The following TMTC3 variants were observed in gnomAD, a reference collection of about 807,000 sequenced individuals.
TMTC3 encodes transmembrane O-mannosyltransferase targeting cadherins 3.
In TMTC3, 52 loss-of-function variants were observed where a neutral mutation model predicts 92.2. The ratio of observed to expected loss-of-function variants is 0.56; its 90% confidence interval spans 0.45 to 0.71. TMTC3 has a LOEUF of 0.71. TMTC3 is among the 30% of genes least tolerant of loss of function. The probability of loss-of-function intolerance (pLI) is 0.00; values close to 1 mark genes in which losing one functional copy is unlikely to be tolerated. For synonymous variants in TMTC3, 339 were observed against 363.3 expected (o/e 0.93, Z 0.76); for missense variants, 896 against 1,057.1 (o/e 0.85, Z 2.11).
intron 1 of TMTC3, among the ~76,000 whole-genome samples, chr12:88,143,225 AAAATAAGT>A (rs1305092080): frequency 1.3e-5 from 2 of 151,876 alleles, no homozygotes; most frequent in African/African-American, 4.8e-5. Context: ...TTTCCTTTCG[AAAATAAGT>A]AATGAGTTTC....
Position 88,198,017 on chromosome 12 carries a change from C to G in TMTC3, c.*2368C>G, listed in dbSNP as rs2041535325. 4.0e-6 allele frequency: 1 copy of G among 252,178 alleles called. No individual in the cohort carries two copies. Among genetic ancestry groups the G allele is most frequent in the Non-Finnish European group, 7.5e-6 (1 of 133,860 alleles). 15.6% of individuals were successfully genotyped at this position (252,178 alleles called of 1,614,324 possible). A position where few individuals can be genotyped will look rare whatever the true frequency, so the allele number is the denominator to read the frequency against. ...GTTAACTTTTAAAACTAGTAATGTA[C>G]CCAGTTAAGTTTTGATGGTTTAAAT... On this transcript the variant is annotated 3_prime_UTR_variant, in exon 14 of 14. Coordinates refer to ENST00000266712, the MANE Select transcript of TMTC3 (RefSeq NM_181783.4).
At chr12:88,192,028 C>CTTTTTTTTTTTTTTTTTTTTTT (rs112229647) in intron 12 of TMTC3, among the ~76,000 whole-genome samples, 2 of 123,016 alleles carry the variant, frequency 1.6e-5, no homozygotes, top group African/African-American at 3.0e-5. Flanking sequence ...TTTTTTTTTT[C>CTTTTTTTTTTTTTTTTTTTTTT]TTTTTTTTTT....
At chr12:88,143,410 T>C (rs1449123788) in intron 1 of TMTC3, among the ~76,000 whole-genome samples, 1 of 152,210 alleles carries the variant, frequency 6.6e-6, no homozygotes, top group Non-Finnish European at 1.5e-5. Context: ...TTGTTTATTC[T>C]TCCTTACAAT....
At chr12:88,152,279 A>C (rs1020254688) in intron 2 of TMTC3, among the ~76,000 whole-genome samples, 1 of 152,066 alleles carries the variant, frequency 6.6e-6, no homozygotes, top group Admixed American at 6.5e-5. Flanking sequence ...GGTGTATCAC[A>C]TGGTGAGAGG....
Position 88,197,992 on chromosome 12 carries a change from G to GTTAAC in TMTC3, c.*2346_*2350dup, listed in dbSNP as rs545461462. On this transcript the variant is annotated 3_prime_UTR_variant, in exon 14 of 14. Transcript: ENST00000266712. Reference sequence around the variant, plus strand: ...AGGAAAATGCTTTTATTTCTCCCATGTTAACTTTTAAAACTAGTAATGTAC... The same window carrying GTTAAC: ...AGGAAAATGCTTTTATTTCTCCCATGTTAACTTAACTTTTAAAACTAGTAATGTAC... 3.2e-3 allele frequency: 667 copies of GTTAAC among 205,900 alleles called. 1 individual carries two copies. Among genetic ancestry groups the GTTAAC allele is most frequent in the Non-Finnish European group, 5.1e-3 (530 of 103,846 alleles). The allele number at this position is 205,900 out of a possible 1,614,324, so 12.8% of individuals were successfully genotyped here.
chr12:88,163,968 T>TGATC (rs774462783), intron 6 of TMTC3, among the ~76,000 whole-genome samples: 139 of 151,724 alleles, frequency 9.2e-4, no homozygotes, highest in Admixed American at 1.3e-3. Flanking sequence ...GAGGCTGAGG[T>TGATC]GATCACTTGA....
chr12:88,164,189 CAAA>C (rs1008391943), intron 6 of TMTC3, among the ~76,000 whole-genome samples: 3 of 48,786 alleles, frequency 6.1e-5, no homozygotes, highest in Admixed American at 1.9e-4. Context: ...GACTTTGTCT[CAAA>C]AAAAAAAAAA....
Position 88,166,563 on chromosome 12 carries a change from C to A in TMTC3, c.1031C>A (p.Ser344Tyr). The A allele has an allele frequency of 6.2e-7, 1 of 1,612,892 alleles. No homozygotes were observed. The highest frequency in any genetic ancestry group is 8.5e-7 in the Non-Finnish European group (1 of 1,179,572). The change falls in exon 7 of 14, where the codon TCC becomes TAC. Residue 344 changes from serine (S) to tyrosine (Y), a missense_variant. Physicochemically the swap from Ser to Tyr is moderately radical, Grantham distance 144 (BLOSUM62 -2). Transcript: ENST00000266712. The part of the protein sequence containing the change: ...GVFSIRYSGD[S>Y]SKTVLMALCL... The stretch of plus-strand genomic sequence containing the variant: ...TTCAGTATCAGATACTCTGGTGATT[C>A]CTCCAAGACTGTTTTAATGGTAAGA...
rs1019847621 is a variant in TMTC3 at position 88,172,824 on chromosome 12, A to G, written c.1199+79A>G. ...ATTTTAAAATTTAAATATTTAGTTC[A>G]GTTTTCTAAGTCATGCTTTTGTATC... On this transcript the variant is annotated intron_variant, in intron 8 of 13. Transcript: ENST00000266712. The G allele has an allele frequency of 3.3e-6, 5 of 1,515,128 alleles. No individual in the cohort carries two copies. The South Asian group carries it at 5.1e-5, about 15-fold the overall frequency. 93.9% of individuals were successfully genotyped at this position (1,515,128 alleles called of 1,614,324 possible). A position where few individuals can be genotyped will look rare whatever the true frequency, so the allele number is the denominator to read the frequency against.
chr12:88,167,233 T>G (rs2041155062), intron 7 of TMTC3, among the ~76,000 whole-genome samples: 1 of 151,874 alleles, frequency 6.6e-6, no homozygotes, highest in African/African-American at 2.4e-5. Context: ...TCGTCTCTAC[T>G]AAAAATACAA....
At chr12:88,164,533 C>T (rs1488475767) in intron 6 of TMTC3, among the ~76,000 whole-genome samples, 1 of 152,092 alleles carries the variant, frequency 6.6e-6, no homozygotes, top group African/African-American at 2.4e-5. Flanking sequence ...ACCTCTTATA[C>T]AGTTTTTTAG....
In TMTC3 at chr12:88,153,483, G is replaced by A. The variant is rs775433395; in HGVS notation, c.382G>A (p.Ala128Thr). ...KSSVIASLLF[A>T]VHPIHTEAVT... ...TAGTGTGATTGCTTCTTTACTTTTT[G>A]CAGTGCACCCAATACACACAGAAGC... The change falls in exon 3 of 14, where the codon GCA becomes ACA. Residue 128 changes from alanine (A) to threonine (T), a missense_variant. By Grantham distance (58) the Ala-to-Thr change is moderately conservative. Coordinates refer to ENST00000266712, the MANE Select transcript of TMTC3 (RefSeq NM_181783.4). 1.7e-5 allele frequency: 27 copies of A among 1,611,762 alleles called. No individual in the cohort carries two copies. The African/African-American group carries it at 3.3e-4, about 20-fold the overall frequency.
chr12:88,169,697 G>A (rs1358236816), intron 7 of TMTC3, among the ~76,000 whole-genome samples: 2 of 152,076 alleles, frequency 1.3e-5, no homozygotes, highest in Non-Finnish European at 2.9e-5. Flanking sequence ...CCAGTGCCTT[G>A]GGAGGCAGAA....
At chr12:88,155,852 T>C (rs886852325) in intron 4 of TMTC3, among the ~76,000 whole-genome samples, 1 of 152,226 alleles carries the variant, frequency 6.6e-6, no homozygotes, top group African/African-American at 2.4e-5. Flanking sequence ...GGTTCACGTC[T>C]GTAATCCCAG....
Position 88,195,551 on chromosome 12 carries a change from C to G in TMTC3, c.2647C>G (p.Pro883Ala). 5 of 1,612,818 alleles carry G rather than the reference C, an allele frequency of 3.1e-6. No individual in the cohort carries two copies. Among genetic ancestry groups the G allele is most frequent in the Non-Finnish European group, 4.2e-6 (5 of 1,179,620 alleles). Residue 883 changes from proline to alanine, a missense_variant, in exon 14 of 14, where the codon CCC becomes GCC. Pro to Ala is a conservative substitution (Grantham distance 27). Transcript: ENST00000266712. ...AGGAAAAAATGGAGACGAAGAGACA[C>G]CCCACAAAACAACAAAAGACATCAA... is the stretch of plus-strand genomic sequence containing the variant. ...QLGKNGDEET[P>A]HKTTKDIKEI...
At position 88,197,925 on chromosome 12, in the gene TMTC3, A is replaced by G. The variant is rs1303279004; in HGVS notation, c.*2276A>G. 1 of 156,374 alleles carries G rather than the reference A, an allele frequency of 6.4e-6. No homozygotes were observed. Among genetic ancestry groups the G allele is most frequent in the Non-Finnish European group, 1.4e-5 (1 of 70,984 alleles). 9.7% of individuals were successfully genotyped at this position (156,374 alleles called of 1,614,324 possible). A position where few individuals can be genotyped will look rare whatever the true frequency, so the allele number is the denominator to read the frequency against. On this transcript the variant is annotated 3_prime_UTR_variant, in exon 14 of 14. Coordinates refer to ENST00000266712, the MANE Select transcript of TMTC3 (RefSeq NM_181783.4). ...TTCCAAAAGCTCTTTGAGTGATTCT[A>G]ATTTGTAGTCAGAGTTGAAGACCAC...
chr12:88,183,550 G>T (rs768960089), intron 10 of TMTC3, among the ~76,000 whole-genome samples: 29 of 152,100 alleles, frequency 1.9e-4, no homozygotes, highest in Non-Finnish European at 3.8e-4. Flanking sequence ...TACTGGTGGG[G>T]CTGAGGGAGA....
At chr12:88,149,226 A>G (rs928304065) in intron 2 of TMTC3, among the ~76,000 whole-genome samples, 2 of 152,122 alleles carry the variant, frequency 1.3e-5, no homozygotes, top group East Asian at 1.9e-4. Context: ...TTATTCATCC[A>G]TATGGTTCAT....
At position 88,176,240 on chromosome 12, in the gene TMTC3, T is replaced by G. The variant is rs766838884; in HGVS notation, c.1353T>G (p.Asn451Lys). The G allele has an allele frequency of 6.2e-7, 1 of 1,611,780 alleles. No individual in the cohort carries two copies. Among genetic ancestry groups the G allele is most frequent in the Non-Finnish European group, 8.5e-7 (1 of 1,178,868 alleles). Reference protein sequence around the residue: ...VNKNNAKLWNNVGHALENEKN... With the variant: ...VNKNNAKLWNKVGHALENEKN... ...AAAATAATGCCAAACTTTGGAATAA[T>G]GTGGGTCATGCTCTGGAAAATGAAA... is the stretch of plus-strand genomic sequence containing the variant. The change falls in exon 10 of 14, where the codon AAT becomes AAG. Residue 451 changes from asparagine (N) to lysine (K), a missense_variant. Physicochemically the swap from Asn to Lys is moderately conservative, Grantham distance 94 (BLOSUM62 0). Transcript: ENST00000266712.
Sources: allele counts gnomAD v4.1 joint callset (sites outside exome capture counted in the v4.1 genomes callset), GRCh38; gene constraint gnomAD v4.1.1; transcripts MANE v1.5; gene names NCBI Gene and HGNC (gene_info 2026-07-23, HGNC 2026-07-21).